The following GPAT3 variants were observed in gnomAD, a reference collection of about 807,000 sequenced individuals.
The protein encoded by GPAT3 is 1-AGP acyltransferase 9.
GPAT3 carries 53 observed loss-of-function variants against 58.8 expected under a neutral mutation model. The observed-to-expected ratio is 0.90, with a 90% confidence interval of 0.72 to 1.13. The LOEUF (loss-of-function observed/expected upper bound fraction) is 1.13, where lower values mean the gene tolerates loss of function less well. Ranked by LOEUF, GPAT3 falls within the 50% of genes most tolerant of loss-of-function variation. The pLI, the probability that GPAT3 is intolerant of heterozygous loss-of-function variation, is 0.00. For missense variants in GPAT3, 511 were observed against 527.6 expected, an observed-to-expected ratio of 0.97 and a Z score of 0.31; for synonymous variants, 197 against 187.4, an observed-to-expected ratio of 1.05 and a Z score of -0.42.
chr4:83,577,802 T>TC (rs1408125200), intron 2 of GPAT3, among the ~76,000 whole-genome samples: 1 of 140,844 alleles, frequency 7.1e-6, no homozygotes, highest in Non-Finnish European at 1.6e-5. Flanking sequence ...TTTTTTTTTT[T>TC]TTTTTTTTTT....
At chr4:83,575,491 C>A (rs1227527852) in intron 2 of GPAT3, among the ~76,000 whole-genome samples, 1 of 152,102 alleles carries the variant, frequency 6.6e-6, no homozygotes, top group Non-Finnish European at 1.5e-5. Flanking sequence ...TGGCTCACTG[C>A]AAGCTCCACC....
At chr4:83,568,190 T>C (rs1276485151) in intron 2 of GPAT3, among the ~76,000 whole-genome samples, 2 of 152,312 alleles carry the variant, frequency 1.3e-5, no homozygotes, top group South Asian at 2.1e-4. Context: ...AACTTGTATC[T>C]TTAAATGTGC....
chr4:83,596,533 G>C (rs1307154027), intron 7 of GPAT3, among the ~76,000 whole-genome samples: 1 of 151,904 alleles, frequency 6.6e-6, no homozygotes, highest in Non-Finnish European at 1.5e-5. Flanking sequence ...GAGGAGGGAG[G>C]TTTGCTTGAG....
At chr4:83,603,646 C>T (rs1033391016) in intron 11 of GPAT3, among the ~76,000 whole-genome samples, 9 of 151,790 alleles carry the variant, frequency 5.9e-5, no homozygotes, top group East Asian at 3.9e-4. Flanking sequence ...CAAAATTAGC[C>T]GGGCCTGTTG....
intron 11 of GPAT3, among the ~76,000 whole-genome samples, chr4:83,604,396 C>A (rs1727179589): frequency 6.6e-6 from 1 of 152,174 alleles, no homozygotes. Flanking sequence ...TACACCACCC[C>A]TTAACTTCTA....
At chr4:83,541,309 T>C (rs1724294287) in intron 1 of GPAT3, among the ~76,000 whole-genome samples, 1 of 151,776 alleles carries the variant, frequency 6.6e-6, no homozygotes, top group African/African-American at 2.4e-5. Flanking sequence ...CAGCTCACTG[T>C]AGCCTCGACC....
chr4:83,538,795 T>A (rs1724191693), intron 1 of GPAT3, among the ~76,000 whole-genome samples: 1 of 152,170 alleles, frequency 6.6e-6, no homozygotes, highest in Non-Finnish European at 1.5e-5. Flanking sequence ...TCAATCAAAC[T>A]GACAAGAATG....
At chr4:83,557,979 G>A (rs1013278669) in intron 2 of GPAT3, among the ~76,000 whole-genome samples, 48 of 152,138 alleles carry the variant, frequency 3.2e-4, no homozygotes, top group African/African-American at 9.4e-4. Context: ...TTGGGAGGCC[G>A]AGGCAGGTGA....
At chr4:83,595,045 C>A in intron 7 of GPAT3, 85 bp downstream of exon 7, 1 of 1,141,874 alleles carries the variant, frequency 8.8e-7, no homozygotes, top group Non-Finnish European at 1.3e-6. Context: ...GGCCGAGCAG[C>A]ACTGAGTCTC....
chr4:83,562,214 T>TATAATATATATATA (rs1553944920), intron 2 of GPAT3, among the ~76,000 whole-genome samples: 1 of 77,124 alleles, frequency 1.3e-5, no homozygotes, highest in Non-Finnish European at 2.4e-5. Flanking sequence ...ATATATATTA[T>TATAATATATATATA]ATATATATAT....
At chr4:83,544,083 C>G (rs10018741) in intron 1 of GPAT3, among the ~76,000 whole-genome samples, 1 of 152,028 alleles carries the variant, frequency 6.6e-6, no homozygotes, top group Non-Finnish European at 1.5e-5. Flanking sequence ...TTACGCCCTA[C>G]GTTTAGGCCC....
At chr4:83,563,452 C>G (rs968185935) in intron 2 of GPAT3, among the ~76,000 whole-genome samples, 77 of 135,574 alleles carry the variant, frequency 5.7e-4, no homozygotes, top group African/African-American at 2.0e-3. Flanking sequence ...TAATGCAAGT[C>G]TTTATTATTT....
intron 9 of GPAT3, among the ~76,000 whole-genome samples, 160 bp downstream of exon 9, chr4:83,597,675 G>A (rs1353393523): frequency 6.6e-6 from 1 of 152,132 alleles, no homozygotes; most frequent in African/African-American, 2.4e-5. Flanking sequence ...TTTCTCATGT[G>A]CTCGCTCTCT....
intron 2 of GPAT3, among the ~76,000 whole-genome samples, chr4:83,562,250 A>ATATATATATATAT (rs1725203442): frequency 7.6e-6 from 1 of 130,964 alleles, no homozygotes; most frequent in African/African-American, 3.0e-5. Flanking sequence ...TATATATATA[A>ATATATATATATAT]AATATAGTTT....
At chr4:83,600,385 A>G (rs11944064) in intron 11 of GPAT3, among the ~76,000 whole-genome samples, 2,712 of 152,234 alleles carry the variant, frequency 0.018, 76 homozygotes, top group African/African-American at 0.059. Flanking sequence ...CAAAGGATCC[A>G]TCTCCAAATA....
chr4:83,542,673 T>C (rs1453164532), intron 1 of GPAT3, among the ~76,000 whole-genome samples: 1 of 152,238 alleles, frequency 6.6e-6, no homozygotes, highest in African/African-American at 2.4e-5. Flanking sequence ...AGCTTAGCAA[T>C]AACTGAGGTT....
At chr4:83,560,150 G>C (rs747226703) in intron 2 of GPAT3, among the ~76,000 whole-genome samples, 3 of 152,154 alleles carry the variant, frequency 2.0e-5, no homozygotes, top group African/African-American at 7.2e-5. Context: ...CCAAAGATTG[G>C]GCTGGTGAAA....
rs1338777730 is a variant in GPAT3, at chr4:83,597,426, G to T, written c.911-4G>T. 2 of 1,525,710 alleles carry T rather than the reference G, an allele frequency of 1.3e-6. No individual in the cohort carries two copies. The highest frequency in any genetic ancestry group is 1.4e-5 in the South Asian group (1 of 70,930). 94.5% of individuals were successfully genotyped at this position (1,525,710 alleles called of 1,614,324 possible). On this transcript the variant is annotated splice_polypyrimidine_tract_variant and splice_region_variant and intron_variant, in intron 8 of 11. Coordinates refer to ENST00000264409, the MANE Select transcript of GPAT3 (RefSeq NM_032717.5). ...TTCACGCTCCTACCCTCACCCCCTT[G>T]CAGGAACTTGCATCAACAATACTTC... is the stretch of plus-strand genomic sequence containing the variant.
intron 2 of GPAT3, among the ~76,000 whole-genome samples, chr4:83,550,599 G>A (rs991926135): frequency 1.3e-5 from 2 of 152,006 alleles, no homozygotes; most frequent in African/African-American, 4.8e-5. Context: ...AATGCATAAA[G>A]GACTTTTTCA....
Sources: allele counts gnomAD v4.1 joint callset (sites outside exome capture counted in the v4.1 genomes callset), GRCh38; gene constraint gnomAD v4.1.1; transcripts MANE v1.5; gene names NCBI Gene and HGNC (gene_info 2026-07-23, HGNC 2026-07-21).